Variants in ZRANB1 observed in about 807,000 individuals in gnomAD.
ZRANB1 encodes the protein ubiquitin thioesterase ZRANB1.
Under a neutral mutation model 80.5 loss-of-function variants are expected in ZRANB1, and 16 were observed. That is an observed-to-expected ratio of 0.20 (90% CI 0.13 to 0.30). The LOEUF is 0.30. Ranked by LOEUF, ZRANB1 falls within the 10% of genes least tolerant of loss-of-function variation. The pLI, the probability that ZRANB1 is intolerant of heterozygous loss-of-function variation, is 1.00. For missense variants in ZRANB1, 576 were observed against 862.6 expected, an observed-to-expected ratio of 0.67 and a Z score of 4.16; for synonymous variants, 291 against 293.1, an observed-to-expected ratio of 0.99 and a Z score of 0.07.
chr10:124,922,300 A>AATATAT, the ZRANB1 span, among the ~76,000 whole-genome samples: 1 of 24,844 alleles, frequency 4.0e-5, no homozygotes, highest in Non-Finnish European at 2.5e-4. Flanking sequence ...ATATATGTAA[A>AATATAT]ATATATATAT....
rs1032940244 is a variant in ZRANB1, at chr10:124,942,228, C to T, written c.-266C>T. ...TCTCCTGCCTATCTCTTTTGCATTC[C>T]AAAGTTCAGTTTTATTAAATCCCAG... On this transcript the variant is annotated 5_prime_UTR_variant, in exon 1 of 9. It introduces an in-frame stop codon into an upstream open reading frame of the 5' UTR. Coordinates refer to ENST00000359653, the MANE Select transcript of ZRANB1 (RefSeq NM_017580.3). 55 of 1,273,346 alleles carry T rather than the reference C, an allele frequency of 4.3e-5. No homozygotes were observed. The African/African-American group carries it at 7.7e-4, about 18-fold the overall frequency. 78.9% of individuals were successfully genotyped at this position (1,273,346 alleles called of 1,614,324 possible).
rs1438504949 is a variant in ZRANB1 at position 124,974,918 on chromosome 10, C to T, written c.1427+520C>T. Among the ~76,000 whole-genome samples the T allele has an allele frequency of 5.3e-5, 8 of 152,182 alleles. No individual in the cohort carries two copies. In the South Asian group the frequency reaches 8.3e-4, roughly 16 times the overall value. On this transcript the variant is annotated intron_variant, in intron 5 of 8. Coordinates refer to ENST00000359653, the MANE Select transcript of ZRANB1 (RefSeq NM_017580.3). The stretch of plus-strand genomic sequence containing the variant: ...GCTCAAGCCATCCATCCACCTCAGC[C>T]TCCTGAGTAGCTAGAACTACAGGTG...
At chr10:124,932,616 C>T in the ZRANB1 span, among the ~76,000 whole-genome samples, 1 of 151,810 alleles carries the variant, frequency 6.6e-6, no homozygotes, top group African/African-American at 2.4e-5. Context: ...TCCTGTTGCT[C>T]CACATTCTTG....
rs1952055130 is a variant in ZRANB1, at chr10:124,986,754, G to T, written c.*1762G>T. On this transcript the variant is annotated 3_prime_UTR_variant, in exon 9 of 9. Transcript: ENST00000359653. ...CTGTAGTAATTTCTCTATGTATAGG[G>T]ATAATTTTTTAGTGGGCAGAGATCC... 6.6e-6 allele frequency: 1 copy of T among 152,166 alleles called. No individual in the cohort carries two copies. Among genetic ancestry groups the T allele is most frequent in the Non-Finnish European group, 1.5e-5 (1 of 68,040 alleles). The allele number at this position is 152,166 out of a possible 1,614,324, so 9.4% of individuals were successfully genotyped here. A position where few individuals can be genotyped will look rare whatever the true frequency, so the allele number is the denominator to read the frequency against.
At chr10:124,973,182 T>C (rs982868706) in intron 3 of ZRANB1, among the ~76,000 whole-genome samples, 2 of 152,240 alleles carry the variant, frequency 1.3e-5, no homozygotes, top group African/African-American at 4.8e-5. Flanking sequence ...AGACAGGGTC[T>C]TACTCTATCG....
chr10:124,981,682 TA>T (rs757475069), intron 5 of ZRANB1, 26 bp from the exon 6 acceptor site: 16 of 1,573,264 alleles, frequency 1.0e-5, no homozygotes, highest in East Asian at 2.3e-5. Flanking sequence ...ACTATTTATT[TA>T]TTTTTTTACT....
intron 1 of ZRANB1, among the ~76,000 whole-genome samples, chr10:124,957,845 G>C (rs573652097): frequency 6.6e-6 from 1 of 152,078 alleles, no homozygotes; most frequent in East Asian, 1.9e-4. Context: ...TCCTGCTTCA[G>C]CCTCCCAAGT....
chr10:124,926,261 A>AT, the ZRANB1 span, among the ~76,000 whole-genome samples: 1 of 152,210 alleles, frequency 6.6e-6, no homozygotes. Flanking sequence ...TATTTAAAAA[A>AT]TTTTCTTCAA....
At chr10:124,953,082 G>C (rs1028692094) in intron 1 of ZRANB1, among the ~76,000 whole-genome samples, 6 of 135,992 alleles carry the variant, frequency 4.4e-5, no homozygotes, top group African/African-American at 1.6e-4. Flanking sequence ...ACACCACTGT[G>C]CCTGGCTAAT....
the ZRANB1 span, among the ~76,000 whole-genome samples, chr10:124,922,337 T>TA: frequency 0.076 from 2,579 of 33,954 alleles, 126 homozygotes; most frequent in African/African-American, 0.18. Context: ...TATATATATA[T>TA]TTTTTTTTTA....
At chr10:124,952,769 C>G (rs1220876237) in intron 1 of ZRANB1, among the ~76,000 whole-genome samples, 1 of 152,070 alleles carries the variant, frequency 6.6e-6, no homozygotes, top group East Asian at 1.9e-4. Flanking sequence ...CGCCAACATT[C>G]CCAGCTAATT....
At chr10:124,919,293 C>T in the ZRANB1 span, among the ~76,000 whole-genome samples, 6 of 152,242 alleles carry the variant, frequency 3.9e-5, no homozygotes, top group East Asian at 1.2e-3. Flanking sequence ...GCCTATAATC[C>T]CAGCACTTTG....
chr10:124,933,081 G>A, the ZRANB1 span, among the ~76,000 whole-genome samples: 12,295 of 151,152 alleles, frequency 0.081, 691 homozygotes, highest in Admixed American at 0.16. Flanking sequence ...CTTTCACAGA[G>A]CAGAAGTTTT....
chr10:124,947,662 AT>A (rs1951596402), intron 1 of ZRANB1, among the ~76,000 whole-genome samples: 1 of 151,938 alleles, frequency 6.6e-6, no homozygotes, highest in Admixed American at 6.6e-5. Flanking sequence ...CTTCAAATCT[AT>A]TTTTTCCCAG....
At position 124,942,929 on chromosome 10, in the gene ZRANB1, C is replaced by T. The variant is rs777540004; in HGVS notation, c.436C>T (p.Leu146=). The change falls in exon 1 of 9, where the codon CTG becomes TTG. Residue 146 remains leucine, a synonymous_variant. Transcript: ENST00000359653. The part of the protein sequence containing the change: ...PCEEYNDRNK[L]NTRTQHWTCS... ...TGAGGAATACAATGATAGAAATAAA[C>T]TGAACACTAGGACACAGCACTGGAC... 2 of 1,614,204 alleles carry T rather than the reference C, an allele frequency of 1.2e-6. No individual in the cohort carries two copies. Among genetic ancestry groups the T allele is most frequent in the African/African-American group, 1.3e-5 (1 of 75,044 alleles).
At chr10:124,949,550 C>A (rs1489979121) in intron 1 of ZRANB1, among the ~76,000 whole-genome samples, 1 of 134,750 alleles carries the variant, frequency 7.4e-6, no homozygotes. Flanking sequence ...GAGACAGGAT[C>A]TTGCTCTGTT....
chr10:124,971,030 GC>G (rs1427729370), intron 2 of ZRANB1, among the ~76,000 whole-genome samples: 2 of 151,736 alleles, frequency 1.3e-5, no homozygotes, highest in Non-Finnish European at 2.9e-5. Flanking sequence ...CATCATGTTG[GC>G]CAGGCTGGTC....
At chr10:124,950,601 G>A (rs891391496) in intron 1 of ZRANB1, among the ~76,000 whole-genome samples, 2 of 152,144 alleles carry the variant, frequency 1.3e-5, no homozygotes, top group Non-Finnish European at 2.9e-5. Context: ...CCTCTTGCCA[G>A]AAATCCGTAT....
the ZRANB1 span, among the ~76,000 whole-genome samples, chr10:124,930,177 T>C: frequency 2.6e-5 from 4 of 152,186 alleles, no homozygotes; most frequent in Admixed American, 6.5e-5. Context: ...GCTTGGGTTC[T>C]AAGGCTTTGG....
Sources: allele counts gnomAD v4.1 joint callset (sites outside exome capture counted in the v4.1 genomes callset), GRCh38; gene constraint gnomAD v4.1.1; transcripts MANE v1.5; gene names NCBI Gene and HGNC (gene_info 2026-07-23, HGNC 2026-07-21).